The following CFAP251 variants were observed in gnomAD, a reference collection of about 807,000 sequenced individuals.
CFAP251 encodes cilia and flagella associated protein 251, also known as cilia- and flagella-associated protein 251.
A neutral mutation model predicts 126.7 loss-of-function variants in CFAP251; 93 were observed. The ratio of observed to expected loss-of-function variants is 0.73; its 90% confidence interval spans 0.62 to 0.87. The LOEUF (loss-of-function observed/expected upper bound fraction) is 0.87. CFAP251 is among the 40% of genes least tolerant of loss of function. The probability of loss-of-function intolerance (pLI) is 0.00; values close to 1 mark genes in which losing one functional copy is unlikely to be tolerated. For synonymous variants in CFAP251, 503 were observed against 506.9 expected (o/e 0.99, Z 0.10); for missense variants, 1,287 against 1,389.2 (o/e 0.93, Z 1.17).
At chr12:121,996,439 T>C (rs141196140) in intron 19 of CFAP251, among the ~76,000 whole-genome samples, 1 of 152,338 alleles carries the variant, frequency 6.6e-6, no homozygotes, top group East Asian at 1.9e-4. Flanking sequence ...ACAAAAATAC[T>C]GCACAGAGAG....
chr12:121,921,395 T>A lies in CFAP251; in HGVS notation c.90T>A (p.Tyr30Ter). 2 of 1,609,050 alleles carry A rather than the reference T, an allele frequency of 1.2e-6. No individual in the cohort carries two copies. The highest frequency in any genetic ancestry group is 1.7e-6 in the Non-Finnish European group (2 of 1,178,288). Residue 30 changes from tyrosine (Y) to a stop codon, truncating the protein, a stop_gained, in exon 2 of 22, where the codon TAT becomes TAA. Transcript: ENST00000288912. LOFTEE classifies it high-confidence loss of function. ...MKEEEEPNPN[Y>*]KEVEDPQQES... Reference sequence around the variant, plus strand: ...AAGAGGAGGAACCTAATCCAAATTATAAAGAAGTAGAAGATCCACAACAGG... The same window carrying A: ...AAGAGGAGGAACCTAATCCAAATTAAAAAGAAGTAGAAGATCCACAACAGG...
intron 5 of CFAP251, among the ~76,000 whole-genome samples, chr12:121,937,042 T>G (rs529251196): frequency 6.6e-6 from 1 of 152,304 alleles, no homozygotes; most frequent in South Asian, 2.1e-4. Flanking sequence ...CTTTCCCATT[T>G]GTGAAAAAAG....
chr12:121,942,787 G>A lies in CFAP251; in HGVS notation c.1111-108G>A, dbSNP rs144833705. The stretch of plus-strand genomic sequence containing the variant: ...CCAGACTCCACAGCACAGAGTCTGG[G>A]CCTCTGTCCTTAGTTACTTGAAGTT... On this transcript the variant is annotated intron_variant, in intron 6 of 21. Coordinates refer to ENST00000288912, the MANE Select transcript of CFAP251 (RefSeq NM_144668.6). The A allele has an allele frequency of 7.0e-5, 93 of 1,324,824 alleles. No homozygotes were observed. The East Asian group carries it at 1.8e-3, about 25-fold the overall frequency. 82.1% of individuals were successfully genotyped at this position (1,324,824 alleles called of 1,614,324 possible).
At chr12:121,957,389 C>T (rs1235586313) in intron 11 of CFAP251, 121 bp downstream of exon 11, 1 of 996,636 alleles carries the variant, frequency 1.0e-6, no homozygotes, top group African/African-American at 1.7e-5. Flanking sequence ...ATTGTGATAA[C>T]CACTGGATCA....
chr12:121,973,367 C>T (rs544705903), intron 17 of CFAP251, among the ~76,000 whole-genome samples: 6 of 152,358 alleles, frequency 3.9e-5, no homozygotes, highest in Non-Finnish European at 8.8e-5. Context: ...GGGCGGGGCC[C>T]TCATGGAGCA....
chr12:121,991,862 G>A (rs748128931), intron 19 of CFAP251, among the ~76,000 whole-genome samples: 103 of 152,214 alleles, frequency 6.8e-4, no homozygotes, highest in Non-Finnish European at 8.7e-4. Flanking sequence ...CTGTGGTGGC[G>A]CGCGCCTGTA....
At chr12:121,942,392 A>C in intron 5 of CFAP251, 142 bp from the exon 6 acceptor site, 1 of 570,160 alleles carries the variant, frequency 1.8e-6, no homozygotes, top group Non-Finnish European at 3.1e-6. Context: ...CCCTTTTATG[A>C]CTCAGAAAGA....
At chr12:121,966,915 T>G (rs1206738119) in intron 15 of CFAP251, 40 bp from the exon 16 acceptor site, 4 of 1,580,072 alleles carry the variant, frequency 2.5e-6, no homozygotes, top group Non-Finnish European at 2.6e-6. Flanking sequence ...TATGTTGAGA[T>G]TTGTGGAATT....
At chr12:121,957,477 G>A (rs1482445522) in intron 11 of CFAP251, among the ~76,000 whole-genome samples, 1 of 152,134 alleles carries the variant, frequency 6.6e-6, no homozygotes, top group East Asian at 1.9e-4. Flanking sequence ...GGCCAAGGCG[G>A]GTGGATCACG....
rs1183803969 is a variant in CFAP251, at chr12:121,994,376, G to A, written c.3007-5340G>A. On this transcript the variant is annotated intron_variant, in intron 19 of 21. Coordinates refer to ENST00000288912, the MANE Select transcript of CFAP251 (RefSeq NM_144668.6). ...GCCCGGCCAGCCGCCCCGTCCGGGA[G>A]GTGAGGGGCGCCTCTGCCCGGCCGC... Among the ~76,000 whole-genome samples the A allele has an allele frequency of 6.2e-5, 5 of 80,328 alleles. 1 individual carries two copies. Among genetic ancestry groups the A allele is most frequent in the African/African-American group, 2.5e-4 (5 of 20,100 alleles). The allele number at this position is 80,328 out of a possible 152,430, so 52.7% of individuals were successfully genotyped here.
chr12:121,921,608 A>G lies in CFAP251; in HGVS notation c.303A>G (p.Gln101=), dbSNP rs1592957829. ...AGGAAGAAACCACAGTAGAGCCCCA[A>G]GAAGTCACAGCGTCCATGATCCGTT... The part of the protein sequence containing the change: ...GIQEETTVEP[Q]EVTASMIRLE... The change falls in exon 2 of 22, where the codon CAA becomes CAG. Residue 101 remains glutamine (Q), a synonymous_variant. Transcript: ENST00000288912. The G allele has an allele frequency of 1.9e-6, 3 of 1,614,186 alleles. No individual in the cohort carries two copies. Among genetic ancestry groups the G allele is most frequent in the Non-Finnish European group, 2.5e-6 (3 of 1,180,028 alleles).
intron 19 of CFAP251, among the ~76,000 whole-genome samples, chr12:121,978,266 T>C (rs182339208): frequency 0.019 from 2,793 of 148,970 alleles, 73 homozygotes; most frequent in African/African-American, 0.059. Context: ...TGGTGGCGGG[T>C]GCCTATAGTC....
intron 17 of CFAP251, among the ~76,000 whole-genome samples, chr12:121,973,950 G>C (rs1448273731): frequency 6.6e-6 from 1 of 152,142 alleles, no homozygotes; most frequent in Non-Finnish European, 1.5e-5. Flanking sequence ...GGCATGATTG[G>C]TTTTGAAATG....
In CFAP251 at chr12:121,989,702, G is replaced by A. The variant is rs1331931407; in HGVS notation, c.3007-10014G>A. Reference sequence around the variant, plus strand: ...GAGAATGTTCTAGAGGGTATTGTGCGTTGGGAAGAGGGCGTGGGGAAGAGG... The same window carrying A: ...GAGAATGTTCTAGAGGGTATTGTGCATTGGGAAGAGGGCGTGGGGAAGAGG... On this transcript the variant is annotated intron_variant, in intron 19 of 21. Transcript: ENST00000288912. The surrounding 1 kb of genome is among the most constrained non-coding windows in gnomAD (Gnocchi z 4.2). Among the ~76,000 whole-genome samples the A allele has an allele frequency of 1.3e-5, 2 of 152,168 alleles. No individual in the cohort carries two copies. The highest frequency in any genetic ancestry group is 4.8e-5 in the African/African-American group (2 of 41,448).
chr12:121,964,760 C>T (rs904178932), intron 15 of CFAP251, among the ~76,000 whole-genome samples: 4 of 152,038 alleles, frequency 2.6e-5, no homozygotes, highest in Admixed American at 6.6e-5. Context: ...ATTAGCCGGG[C>T]GTGGTGGCAT....
intron 19 of CFAP251, among the ~76,000 whole-genome samples, chr12:121,986,080 C>T (rs1271204822): frequency 6.6e-6 from 1 of 152,218 alleles, no homozygotes; most frequent in African/African-American, 2.4e-5. Context: ...CAACCTCCAC[C>T]TCCTGGATTC....
rs576207686 is a variant in CFAP251 at position 121,954,724 on chromosome 12, C to T, written c.1535+390C>T. 6.1e-5 allele frequency among the ~76,000 whole-genome samples: 8 copies of T among 131,752 alleles called. No homozygotes were observed. The South Asian group carries it at 1.6e-3, about 26-fold the overall frequency. 86.4% of individuals were successfully genotyped at this position (131,752 alleles called of 152,430 possible). A position where few individuals can be genotyped will look rare whatever the true frequency, so the allele number is the denominator to read the frequency against. On this transcript the variant is annotated intron_variant, in intron 10 of 21. Coordinates refer to ENST00000288912, the MANE Select transcript of CFAP251 (RefSeq NM_144668.6). Reference sequence around the variant, plus strand: ...TAGCATAAAGTATTCTGGGGAGAATCATAATGAACTGGGAACATTGGTTGC... The same window carrying T: ...TAGCATAAAGTATTCTGGGGAGAATTATAATGAACTGGGAACATTGGTTGC...
At chr12:121,938,311 CTGT>C (rs756732212) in intron 5 of CFAP251, among the ~76,000 whole-genome samples, 96 of 151,718 alleles carry the variant, frequency 6.3e-4, no homozygotes, top group African/African-American at 1.6e-3. Context: ...CCAGCCTCAT[CTGT>C]TGTTGTTGTT....
intron 5 of CFAP251, among the ~76,000 whole-genome samples, chr12:121,934,624 T>G (rs1194607482): frequency 1.3e-5 from 2 of 152,180 alleles, no homozygotes; most frequent in Non-Finnish European, 2.9e-5. Context: ...TTCTGGGCAG[T>G]TCTTAATGGT....
Sources: allele counts gnomAD v4.1 joint callset (sites outside exome capture counted in the v4.1 genomes callset), GRCh38; gene constraint gnomAD v4.1.1; non-coding constraint Gnocchi (gnomAD v3.1); transcripts MANE v1.5; gene names NCBI Gene and HGNC (gene_info 2026-07-23, HGNC 2026-07-21).